SLC2A9: variants seen among roughly 807,000 people sequenced by gnomAD.
The protein encoded by SLC2A9 is solute carrier family 2 member 9.
Under a neutral mutation model 50.6 loss-of-function variants are expected in SLC2A9, and 39 were observed. The observed-to-expected ratio is 0.77, with a 90% CI of 0.60 to 1.01. The LOEUF (loss-of-function observed/expected upper bound fraction) is 1.01, where lower values mean the gene tolerates loss of function less well. SLC2A9 is among the 50% of genes least tolerant of loss of function. SLC2A9 has a pLI of 0.00. For missense variants in SLC2A9, 686 were observed against 677.6 expected, an observed-to-expected ratio of 1.01 and a Z score of -0.14; for synonymous variants, 324 against 276.9, an observed-to-expected ratio of 1.17 and a Z score of -1.69.
At chr4:9,993,319 T>C (rs528506263) in intron 3 of SLC2A9, among the ~76,000 whole-genome samples, 32 of 152,308 alleles carry the variant, frequency 2.1e-4, no homozygotes, top group East Asian at 7.7e-4. Context: ...AAAGAACAGA[T>C]GCACAATTGA....
rs556372100 is a variant in SLC2A9, at chr4:9,998,898, A to G, written c.250-1957T>C. On this transcript the variant is annotated intron_variant, in intron 2 of 11. Coordinates refer to ENST00000264784, the MANE Select transcript of SLC2A9 (RefSeq NM_020041.3). ...CACCAACCAAAAGCAGCCAAAAACAAAACATACACAGTCTGATTCCATGTG... is the reference window on the plus strand; with the variant it reads ...CACCAACCAAAAGCAGCCAAAAACAGAACATACACAGTCTGATTCCATGTG... 3.2e-4 allele frequency among the ~76,000 whole-genome samples: 48 copies of G among 152,330 alleles called. 1 individual carries two copies. Among genetic ancestry groups the G allele is most frequent in the Middle Eastern group, 6.8e-3 (2 of 294 alleles).
chr4:9,785,100 C>T (rs79003924), intron 3 of SLC2A9, among the ~76,000 whole-genome samples: 2 of 152,034 alleles, frequency 1.3e-5, no homozygotes, highest in Non-Finnish European at 1.5e-5. Context: ...GATAGCTAAG[C>T]GAACCATTAG....
intron 6 of SLC2A9, among the ~76,000 whole-genome samples, chr4:9,931,988 A>C (rs1746216048): frequency 3.5e-5 from 3 of 85,480 alleles, no homozygotes; most frequent in African/African-American, 6.3e-5. Flanking sequence ...ATATATATAT[A>C]TATATATATA....
intron 10 of SLC2A9, among the ~76,000 whole-genome samples, chr4:9,848,735 T>G (rs1280805375): frequency 6.7e-6 from 1 of 149,438 alleles, no homozygotes; most frequent in African/African-American, 2.5e-5. Flanking sequence ...AGTCTCACTC[T>G]GTCACCCAGG....
chr4:9,843,176 G>A (rs1361651226), intron 10 of SLC2A9, among the ~76,000 whole-genome samples: 2 of 152,070 alleles, frequency 1.3e-5, no homozygotes, highest in Admixed American at 6.6e-5. Flanking sequence ...GCCACATACG[G>A]GAGCAGTTGT....
chr4:9,965,480 GA>G (rs1218517542), intron 5 of SLC2A9, among the ~76,000 whole-genome samples: 1 of 152,194 alleles, frequency 6.6e-6, no homozygotes, highest in Non-Finnish European at 1.5e-5. Flanking sequence ...TGCTAAGAAA[GA>G]GCTGCCATCC....
chr4:9,855,411 G>A (rs1369589821), intron 10 of SLC2A9, among the ~76,000 whole-genome samples: 3 of 152,122 alleles, frequency 2.0e-5, no homozygotes, highest in Admixed American at 2.0e-4. Context: ...GCTAACCAGG[G>A]AGGCGAAAGA....
At chr4:9,868,192 C>A (rs1732824539) in intron 10 of SLC2A9, among the ~76,000 whole-genome samples, 1 of 152,216 alleles carries the variant, frequency 6.6e-6, no homozygotes, top group Non-Finnish European at 1.5e-5. Context: ...GGGCATTAGT[C>A]AAGTTCCATC....
Position 9,826,389 on chromosome 4 carries a change from G to A in SLC2A9, c.*8C>T, listed in dbSNP as rs988459684. ...GACATAATTGTCCAACGTGGAGGAG[G>A]AAACTTGTTAAGGCCTTCCATTTAT... On this transcript the variant is annotated 3_prime_UTR_variant, in exon 12 of 12. Transcript: ENST00000264784. 4.3e-6 allele frequency: 7 copies of A among 1,613,906 alleles called. No homozygotes were observed. Among genetic ancestry groups the A allele is most frequent in the Non-Finnish European group, 5.1e-6 (6 of 1,179,810 alleles).
At chr4:9,852,172 C>T (rs117864408) in intron 10 of SLC2A9, among the ~76,000 whole-genome samples, 105 of 152,094 alleles carry the variant, frequency 6.9e-4, no homozygotes, top group East Asian at 6.4e-3. Flanking sequence ...CAAAGTGAAC[C>T]CCGTCAGGCT....
At chr4:9,913,110 C>T (rs1560291495) in intron 7 of SLC2A9, among the ~76,000 whole-genome samples, 1 of 152,106 alleles carries the variant, frequency 6.6e-6, no homozygotes, top group Non-Finnish European at 1.5e-5. Flanking sequence ...CTTGCCAACA[C>T]CTTGATTTTA....
At chr4:9,982,005 C>T (rs2109107948) in intron 4 of SLC2A9, among the ~76,000 whole-genome samples, 2 of 152,180 alleles carry the variant, frequency 1.3e-5, no homozygotes, top group Middle Eastern at 3.4e-3. Context: ...CCTCAGCCTC[C>T]TGAGTAGCTG....
chr4:9,882,311 A>T (rs1016095302), intron 10 of SLC2A9, among the ~76,000 whole-genome samples: 1 of 152,152 alleles, frequency 6.6e-6, no homozygotes. Flanking sequence ...TAACCTTGCA[A>T]GTAAATTTCA....
chr4:9,996,364 C>T (rs184746820), intron 3 of SLC2A9, among the ~76,000 whole-genome samples: 2 of 152,326 alleles, frequency 1.3e-5, no homozygotes, highest in East Asian at 3.9e-4. Flanking sequence ...AGATCAATTC[C>T]CCTCCCCTCC....
chr4:9,941,787 C>G (rs1319945042), intron 6 of SLC2A9, 126 bp downstream of exon 6: 46 of 1,362,562 alleles, frequency 3.4e-5, no homozygotes, highest in Non-Finnish European at 3.4e-5. Context: ...GATACCCAGC[C>G]CAGTGCCTGC....
intron 10 of SLC2A9, among the ~76,000 whole-genome samples, chr4:9,856,858 T>A (rs538044264): frequency 1.3e-5 from 2 of 152,076 alleles, no homozygotes; most frequent in Non-Finnish European, 2.9e-5. Context: ...TCAACTAATA[T>A]AGAAACAGAA....
intron 9 of SLC2A9, among the ~76,000 whole-genome samples, chr4:9,889,374 G>C (rs938563): frequency 0.33 from 50,658 of 152,086 alleles, 10,410 homozygotes; most frequent in African/African-American, 0.56. Context: ...GCTTAGATGG[G>C]GTTTGTGGGC....
At chr4:9,812,082 C>T (rs773329147) in intron 3 of SLC2A9, among the ~76,000 whole-genome samples, 1 of 152,144 alleles carries the variant, frequency 6.6e-6, no homozygotes, top group Non-Finnish European at 1.5e-5. Flanking sequence ...CTGAAAGAGT[C>T]CTAAGTAATA....
rs142518394 is a variant in SLC2A9 at position 9,915,395 on chromosome 4, G to A, written c.1002+4990C>T. Among the ~76,000 whole-genome samples, 628 of 152,276 alleles carry A rather than the reference G, an allele frequency of 4.1e-3. 5 individuals carry two copies. The highest frequency in any genetic ancestry group is 0.014 in the African/African-American group (582 of 41,554). On this transcript the variant is annotated intron_variant, in intron 7 of 11. Transcript: ENST00000264784. ...TGGGATTACAGGCATGTGCCACCAC[G>A]TCCAGCTAATTTTCTATTTTTAGTA...
Sources: gnomAD v4.1 joint callset for allele counts (sites outside exome capture counted in the v4.1 genomes callset) on GRCh38, gnomAD v4.1.1 for gene constraint, MANE v1.5 for transcripts, NCBI Gene and HGNC (gene_info 2026-07-23, HGNC 2026-07-21) for gene names.